Variants in MTOR observed in about 807,000 individuals in gnomAD.
MTOR encodes the protein serine/threonine-protein kinase mTOR.
MTOR carries 70 observed loss-of-function variants against 319.8 expected under a neutral mutation model. The observed-to-expected ratio is 0.22, with a 90% CI of 0.18 to 0.27. MTOR has a LOEUF of 0.27. Ranked by LOEUF, MTOR falls within the 10% of genes least tolerant of loss-of-function variation. The probability of loss-of-function intolerance (pLI) is 1.00; values close to 1 mark genes in which losing one functional copy is unlikely to be tolerated. For synonymous variants in MTOR, 1,183 were observed against 1,211.4 expected, an observed-to-expected ratio of 0.98 and a Z score of 0.49; for missense variants, 1,890 against 3,274.4, an observed-to-expected ratio of 0.58 and a Z score of 10.32.
chr1:11,137,152 T>TAAA (rs33927011), intron 36 of MTOR, among the ~76,000 whole-genome samples: 1,722 of 72,760 alleles, frequency 0.024, 60 homozygotes, highest in Non-Finnish European at 0.031. Flanking sequence ...TAAATCTGAT[T>TAAA]AAAAAAAAAA....
chr1:11,108,723 A>C (rs1320431793), intron 56 of MTOR, among the ~76,000 whole-genome samples: 1 of 150,372 alleles, frequency 6.7e-6, no homozygotes, highest in Non-Finnish European at 1.5e-5. Flanking sequence ...AAAAAAAAAA[A>C]AAAAAAAGAA....
At chr1:11,204,525 GTGC>G in intron 26 of MTOR, 33 bp downstream of exon 26, 2 of 1,590,746 alleles carry the variant, frequency 1.3e-6, no homozygotes, top group African/African-American at 1.3e-5. Context: ...CGTTTTCTAT[GTGC>G]TGATCTTCTC....
chr1:11,184,861 A>AGTC (rs1645264367), intron 28 of MTOR, among the ~76,000 whole-genome samples: 1 of 152,242 alleles, frequency 6.6e-6, no homozygotes, highest in Non-Finnish European at 1.5e-5. Flanking sequence ...ACAGAGGATC[A>AGTC]GTCCCGCTCC....
chr1:11,145,385 T>G (rs1246882408), intron 32 of MTOR: 5 of 268,946 alleles, frequency 1.9e-5, no homozygotes, highest in Non-Finnish European at 3.6e-5. Flanking sequence ...CTACCTTTTT[T>G]TTTTCTTCTG....
At chr1:11,187,765 T>C (rs924484685) in intron 28 of MTOR, among the ~76,000 whole-genome samples, 1 of 152,188 alleles carries the variant, frequency 6.6e-6, no homozygotes, top group Non-Finnish European at 1.5e-5. Flanking sequence ...AAATGAATGC[T>C]ATGGAGCTAA....
chr1:11,155,409 G>C (rs1304037524), intron 30 of MTOR, among the ~76,000 whole-genome samples: 2 of 151,910 alleles, frequency 1.3e-5, no homozygotes, highest in Non-Finnish European at 2.9e-5. Flanking sequence ...TTAAGAAAAT[G>C]GCAGCAAAAA....
At position 11,127,687 on chromosome 1, in the gene MTOR, C is replaced by T. The variant is rs144383063; in HGVS notation, c.6153G>A (p.Leu2051=). The T allele has an allele frequency of 1.4e-5, 23 of 1,613,984 alleles. No homozygotes were observed. Among genetic ancestry groups the T allele is most frequent in the South Asian group, 2.2e-5 (2 of 91,076 alleles). ...ERNVKGMFEV[L]EPLHAMMERG... is the part of the protein sequence containing the mutation. Reference sequence around the variant, plus strand: ...GTTCCATCATAGCATGCAAGGGCTCCAGCACCTCAAACATGCCTTTCACGT... The same window carrying T: ...GTTCCATCATAGCATGCAAGGGCTCTAGCACCTCAAACATGCCTTTCACGT... Residue 2051 remains leucine (L), a synonymous_variant, in exon 44 of 58, where the codon CTG becomes CTA. Transcript: ENST00000361445. The surrounding 1 kb of genome is among the most constrained non-coding windows in gnomAD (Gnocchi z 5.5).
Position 11,116,130 on chromosome 1 carries a change from G to T in MTOR, c.7017-662C>A, listed in dbSNP as rs375596151. ...GAGAACCAGTCTTTTTTACATTCTTGTGAGTCCGTTTCTGAACATTCGTAA... is the reference window on the plus strand; with the variant it reads ...GAGAACCAGTCTTTTTTACATTCTTTTGAGTCCGTTTCTGAACATTCGTAA... On this transcript the variant is annotated intron_variant, in intron 50 of 57. Coordinates refer to ENST00000361445, the MANE Select transcript of MTOR (RefSeq NM_004958.4). Among the ~76,000 whole-genome samples the T allele has an allele frequency of 2.0e-4, 31 of 152,230 alleles. 1 individual carries two copies. In the East Asian group the frequency reaches 2.9e-3, roughly 14 times the overall value.
rs1642711603 is a variant in MTOR at position 11,124,416 on chromosome 1, A to G, written c.6662+82T>C. ...TAATTTTATAGTTTTTTGTTAAGAT[A>G]TAATACATGACTACACGAGACAAAT... On this transcript the variant is annotated intron_variant, in intron 47 of 57. Transcript: ENST00000361445. 2.0e-6 allele frequency: 3 copies of G among 1,527,020 alleles called. No individual in the cohort carries two copies. In the East Asian group the frequency reaches 6.9e-5, roughly 35 times the overall value. 94.6% of individuals were successfully genotyped at this position (1,527,020 alleles called of 1,614,324 possible). A position where few individuals can be genotyped will look rare whatever the true frequency, so the allele number is the denominator to read the frequency against.
At chr1:11,226,797 T>C (rs1019280301) in intron 19 of MTOR, among the ~76,000 whole-genome samples, 5 of 151,974 alleles carry the variant, frequency 3.3e-5, no homozygotes, top group African/African-American at 9.7e-5. Flanking sequence ...ACCAAAAACA[T>C]GGTAGTAGAG....
At chr1:11,187,912 G>A (rs1433880942) in intron 28 of MTOR, among the ~76,000 whole-genome samples, 1 of 152,164 alleles carries the variant, frequency 6.6e-6, no homozygotes, top group Non-Finnish European at 1.5e-5. Context: ...CCTTTAGCAG[G>A]CAAAGGAGGC....
rs781572173 is a variant in MTOR at position 11,213,464 on chromosome 1, G to A, written c.3220C>T (p.Leu1074=). 1.2e-6 allele frequency: 2 copies of A among 1,614,004 alleles called. No homozygotes were observed. Among genetic ancestry groups the A allele is most frequent in the Non-Finnish European group, 1.7e-6 (2 of 1,180,028 alleles). ...GGEFKLYLPQ[L]IPHMLRVFMH... ...AAGACACGCAGCATGTGTGGGATCA[G>A]CTGGGGCAGGTAGAGCTTAAATTCA... The change falls in exon 21 of 58, where the codon CTG becomes TTG. Residue 1074 remains leucine, a synonymous_variant. Transcript: ENST00000361445.
At chr1:11,253,000 T>C (rs568295248) in intron 6 of MTOR, among the ~76,000 whole-genome samples, 1 of 152,312 alleles carries the variant, frequency 6.6e-6, no homozygotes, top group East Asian at 1.9e-4. Flanking sequence ...TCCCAGCCAA[T>C]GACAGAACAC....
intron 5 of MTOR, among the ~76,000 whole-genome samples, chr1:11,254,792 T>A (rs1650149512): frequency 6.7e-6 from 1 of 149,756 alleles, no homozygotes; most frequent in Non-Finnish European, 1.5e-5. Flanking sequence ...TGAGACAGAG[T>A]CTCACTCTGT....
At chr1:11,240,921 A>G (rs934251692) in intron 10 of MTOR, among the ~76,000 whole-genome samples, 1 of 152,134 alleles carries the variant, frequency 6.6e-6, no homozygotes, top group Non-Finnish European at 1.5e-5. Context: ...GCAAATATTT[A>G]TTGAGTACTT....
chr1:11,151,267 T>C (rs1234444588), intron 30 of MTOR, among the ~76,000 whole-genome samples: 1 of 152,042 alleles, frequency 6.6e-6, no homozygotes, highest in African/African-American at 2.4e-5. Context: ...GTACAGCAGA[T>C]ATTAACTTTG....
intron 5 of MTOR, 128 bp from the exon 6 acceptor site, chr1:11,254,101 C>A: frequency 9.7e-7 from 1 of 1,025,774 alleles, no homozygotes; most frequent in Non-Finnish European, 1.4e-6. Context: ...TGCCAGTCAT[C>A]AACAAAACTA....
intron 12 of MTOR, 101 bp from the exon 13 acceptor site, chr1:11,238,149 C>G: frequency 8.4e-7 from 1 of 1,185,580 alleles, no homozygotes; most frequent in Non-Finnish European, 1.2e-6. Flanking sequence ...GGGAAGATTC[C>G]AGATGCTTTT....
chr1:11,234,004 G>A (rs1490107687), intron 14 of MTOR, 139 bp downstream of exon 14: 1 of 1,198,188 alleles, frequency 8.3e-7, no homozygotes, highest in African/African-American at 1.5e-5. Flanking sequence ...GCTTGATATG[G>A]CCCTTTGGTC....
Sources: allele counts gnomAD v4.1 joint callset (sites outside exome capture counted in the v4.1 genomes callset), GRCh38; gene constraint gnomAD v4.1.1; non-coding constraint Gnocchi (gnomAD v3.1); transcripts MANE v1.5; gene names NCBI Gene and HGNC (gene_info 2026-07-23, HGNC 2026-07-21).